The following PTPRK variants were observed in gnomAD, a reference collection of about 807,000 sequenced individuals.
PTPRK encodes receptor-type tyrosine-protein phosphatase kappa.
A neutral mutation model predicts 178.0 loss-of-function variants in PTPRK; 75 were observed. The ratio of observed to expected loss-of-function variants is 0.42; its 90% CI spans 0.35 to 0.51. The LOEUF is 0.51. PTPRK is among the 20% of genes least tolerant of loss of function. PTPRK has a pLI of 0.02. For synonymous variants in PTPRK, 637 were observed against 620.6 expected (o/e 1.03, Z -0.39); for missense variants, 1,441 against 1,797.8 (o/e 0.80, Z 3.59).
chr6:128,127,731 A>T (rs983767976), intron 7 of PTPRK, among the ~76,000 whole-genome samples: 1 of 152,222 alleles, frequency 6.6e-6, no homozygotes, highest in African/African-American at 2.4e-5. Flanking sequence ...GACTAAGCAG[A>T]ATATTGACAT....
chr6:128,381,190 T>C (rs1019679669), intron 2 of PTPRK, among the ~76,000 whole-genome samples: 9 of 152,160 alleles, frequency 5.9e-5, no homozygotes, highest in Non-Finnish European at 1.3e-4. Flanking sequence ...TGTATTTCAT[T>C]AGAAAATTTT....
rs1858629536 is a variant in PTPRK, at chr6:128,519,383, G to A, written c.100+876C>T. Reference sequence around the variant, plus strand: ...AGAACCCCCAGGGCTACAGCGAGACGCTCCACTTGTCTCCTTTTGGGTTCT... The same window carrying A: ...AGAACCCCCAGGGCTACAGCGAGACACTCCACTTGTCTCCTTTTGGGTTCT... On this transcript the variant is annotated intron_variant, in intron 1 of 29. Transcript: ENST00000368226. This position sits in a 1 kb window ranked among gnomAD's most constrained non-coding sequence, Gnocchi z 4.3. 6.6e-6 allele frequency among the ~76,000 whole-genome samples: 1 copy of A among 152,188 alleles called. No homozygotes were observed. The highest frequency in any genetic ancestry group is 2.1e-4 in the South Asian group (1 of 4,820).
At chr6:128,073,326 A>G (rs990419490) in intron 11 of PTPRK, among the ~76,000 whole-genome samples, 5 of 152,060 alleles carry the variant, frequency 3.3e-5, no homozygotes, top group African/African-American at 1.2e-4. Context: ...ATAAATTCAG[A>G]AAACCAACAC....
intron 25 of PTPRK, 76 bp downstream of exon 25, chr6:127,981,040 G>T: frequency 7.6e-7 from 1 of 1,313,888 alleles, no homozygotes; most frequent in Non-Finnish European, 1.0e-6. Flanking sequence ...TCCTCGAAAA[G>T]AAAACTAGCC....
At chr6:128,304,398 T>G (rs919731217) in intron 3 of PTPRK, among the ~76,000 whole-genome samples, 1 of 152,176 alleles carries the variant, frequency 6.6e-6, no homozygotes, top group African/African-American at 2.4e-5. Context: ...GTAATTTCAA[T>G]GGATGTAAAG....
intron 7 of PTPRK, among the ~76,000 whole-genome samples, chr6:128,105,488 T>C (rs1046927729): frequency 1.6e-4 from 24 of 152,188 alleles, no homozygotes; most frequent in African/African-American, 5.8e-4. Context: ...GCGATGAATA[T>C]ATTAACTTTA....
intron 7 of PTPRK, among the ~76,000 whole-genome samples, chr6:128,160,674 G>C (rs1463180503): frequency 1.3e-5 from 2 of 151,584 alleles, no homozygotes; most frequent in Non-Finnish European, 3.0e-5. Flanking sequence ...AGCTCATGAG[G>C]TTGCTAAATT....
At chr6:128,297,115 A>G (rs1299335940) in intron 3 of PTPRK, among the ~76,000 whole-genome samples, 2 of 151,838 alleles carry the variant, frequency 1.3e-5, no homozygotes, top group Non-Finnish European at 2.9e-5. Flanking sequence ...ACAAAGATCA[A>G]AAGAGACAAA....
intron 1 of PTPRK, among the ~76,000 whole-genome samples, chr6:128,437,683 G>C (rs1211820229): frequency 2.0e-5 from 3 of 152,210 alleles, no homozygotes; most frequent in Non-Finnish European, 2.9e-5. Context: ...GTTCTTGCTA[G>C]AAAGAATAGA....
intron 2 of PTPRK, among the ~76,000 whole-genome samples, chr6:128,356,584 T>C (rs910480381): frequency 6.6e-6 from 1 of 152,252 alleles, no homozygotes; most frequent in South Asian, 2.1e-4. Context: ...ACTTCTCTGA[T>C]GACCCTCTTC....
At chr6:128,246,624 C>T (rs1391909901) in intron 3 of PTPRK, among the ~76,000 whole-genome samples, 1 of 152,196 alleles carries the variant, frequency 6.6e-6, no homozygotes, top group African/African-American at 2.4e-5. Context: ...TCAGGGAAAA[C>T]AAATCTCAAT....
intron 7 of PTPRK, among the ~76,000 whole-genome samples, chr6:128,140,425 T>C (rs911409199): frequency 6.6e-6 from 1 of 152,026 alleles, no homozygotes; most frequent in African/African-American, 2.4e-5. Flanking sequence ...TCATAATAAA[T>C]GTCAGGAGCT....
At position 128,180,466 on chromosome 6, in the gene PTPRK, G is replaced by A. The variant is rs77153645; in HGVS notation, c.1162+3966C>T. Among the ~76,000 whole-genome samples, 531 of 152,100 alleles carry A rather than the reference G, an allele frequency of 3.5e-3. 5 individuals are homozygous for A. The highest frequency in any genetic ancestry group is 0.012 in the African/African-American group (513 of 41,516). ...ACAGCGAAATAATCATACCCCTCAGGTTCCTAGAGAAGCATGAGGTAGGCT... is the reference window on the plus strand; with the variant it reads ...ACAGCGAAATAATCATACCCCTCAGATTCCTAGAGAAGCATGAGGTAGGCT... On this transcript the variant is annotated intron_variant, in intron 7 of 29. Transcript: ENST00000368226.
chr6:128,456,365 AC>A (rs1468044543), intron 1 of PTPRK, among the ~76,000 whole-genome samples: 1 of 152,130 alleles, frequency 6.6e-6, no homozygotes, highest in Non-Finnish European at 1.5e-5. Flanking sequence ...GGGTTACAGA[AC>A]AAAAAAGTAT....
At position 128,175,712 on chromosome 6, in the gene PTPRK, T is replaced by G. The variant is rs557797767; in HGVS notation, c.1162+8720A>C. On this transcript the variant is annotated intron_variant, in intron 7 of 29. Transcript: ENST00000368226. ...TTTGTAAACATTCTAAAATAATGAGTTTTTTTCTAAATTCTAGTTGCAACA... is the reference window on the plus strand; with the variant it reads ...TTTGTAAACATTCTAAAATAATGAGGTTTTTTCTAAATTCTAGTTGCAACA... Among the ~76,000 whole-genome samples, 5 of 151,816 alleles carry G rather than the reference T, an allele frequency of 3.3e-5. No individual in the cohort carries two copies. In the East Asian group the frequency reaches 9.7e-4, roughly 29 times the overall value.
At chr6:128,104,082 T>C (rs1789255452) in intron 7 of PTPRK, among the ~76,000 whole-genome samples, 1 of 152,214 alleles carries the variant, frequency 6.6e-6, no homozygotes, top group Non-Finnish European at 1.5e-5. Context: ...ATGTGTCTCC[T>C]TTCCTCGCCT....
intron 14 of PTPRK, among the ~76,000 whole-genome samples, chr6:128,006,696 A>G (rs921565602): frequency 1.3e-5 from 2 of 151,036 alleles, no homozygotes; most frequent in African/African-American, 4.8e-5. Flanking sequence ...TTGAGTTATT[A>G]ATGTGTTCAT....
At chr6:128,202,352 C>T (rs1443737476) in intron 6 of PTPRK, among the ~76,000 whole-genome samples, 3 of 152,184 alleles carry the variant, frequency 2.0e-5, no homozygotes, top group African/African-American at 7.2e-5. Context: ...AGGAGATCCC[C>T]TTGTAAGTTC....
At chr6:128,231,128 A>C (rs1294627321) in intron 5 of PTPRK, among the ~76,000 whole-genome samples, 1 of 152,250 alleles carries the variant, frequency 6.6e-6, no homozygotes, top group Non-Finnish European at 1.5e-5. Flanking sequence ...CCAAAATGCC[A>C]GAAAGCAGAA....
Sources: gnomAD v4.1 joint callset for allele counts (sites outside exome capture counted in the v4.1 genomes callset) on GRCh38, gnomAD v4.1.1 for gene constraint, Gnocchi (gnomAD v3.1) non-coding constraint, MANE v1.5 for transcripts, NCBI Gene and HGNC (gene_info 2026-07-23, HGNC 2026-07-21) for gene names.